ORC2: variants seen among roughly 807,000 people sequenced by gnomAD.
ORC2 encodes the protein origin recognition complex subunit 2.
A neutral mutation model predicts 77.7 loss-of-function variants in ORC2; 37 were observed. The ratio of observed to expected loss-of-function variants is 0.48; its 90% CI spans 0.37 to 0.63. The LOEUF (loss-of-function observed/expected upper bound fraction) is 0.63. Ranked by LOEUF, ORC2 falls within the 20% of genes least tolerant of loss-of-function variation. ORC2 has a pLI of 0.00. For missense variants in ORC2, 557 were observed against 661.9 expected (o/e 0.84, Z 1.74); for synonymous variants, 201 against 229.5 (o/e 0.88, Z 1.12).
intron 5 of ORC2, among the ~76,000 whole-genome samples, chr2:200,946,098 T>TA (rs2041244995): frequency 6.6e-6 from 1 of 152,202 alleles, no homozygotes; most frequent in African/African-American, 2.4e-5. Context: ...ATCTAACTTA[T>TA]AGTCTATTTC....
intron 5 of ORC2, 62 bp downstream of exon 5, chr2:200,949,492 T>C: frequency 1.2e-6 from 1 of 852,178 alleles, no homozygotes; most frequent in Non-Finnish European, 2.0e-6. Context: ...TCATGGGGAA[T>C]GTGGTTAAAT....
chr2:200,941,900 T>C (rs2041158314), intron 6 of ORC2, among the ~76,000 whole-genome samples: 1 of 151,790 alleles, frequency 6.6e-6, no homozygotes, highest in Admixed American at 6.6e-5. Context: ...GGCAGGAGAA[T>C]TGCTTGAACC....
chr2:200,918,449 C>T (rs1363612667), intron 15 of ORC2, among the ~76,000 whole-genome samples: 1 of 152,010 alleles, frequency 6.6e-6, no homozygotes, highest in Non-Finnish European at 1.5e-5. Context: ...GAAATTGTCT[C>T]TGCTAGACTT....
At chr2:200,912,583 A>G (rs1356839442) in intron 17 of ORC2, among the ~76,000 whole-genome samples, 4 of 150,192 alleles carry the variant, frequency 2.7e-5, no homozygotes, top group Non-Finnish European at 5.9e-5. Context: ...CACCACAACC[A>G]GCTCTTTTTT....
rs1265057988 is a variant in ORC2 at position 200,909,243 on chromosome 2, G to C, written c.*2058C>G. 1.3e-5 allele frequency: 2 copies of C among 152,128 alleles called. No homozygotes were observed. The highest frequency in any genetic ancestry group is 2.9e-5 in the Non-Finnish European group (2 of 68,028). 9.4% of individuals were successfully genotyped at this position (152,128 alleles called of 1,614,324 possible). A position where few individuals can be genotyped will look rare whatever the true frequency, so the allele number is the denominator to read the frequency against. ...TTTTACATATGCATAGACGATATCT[G>C]GAAGAATACTTAAGAAAATGCTATC... On this transcript the variant is annotated 3_prime_UTR_variant, in exon 18 of 18. Transcript: ENST00000234296.
At chr2:200,929,023 C>T (rs917240735) in intron 11 of ORC2, among the ~76,000 whole-genome samples, 7 of 151,930 alleles carry the variant, frequency 4.6e-5, no homozygotes, top group Non-Finnish European at 1.0e-4. Flanking sequence ...TGCAGTGGTG[C>T]GATTTTGGCT....
chr2:200,938,843 C>G (rs2041096909), intron 7 of ORC2, among the ~76,000 whole-genome samples: 1 of 151,976 alleles, frequency 6.6e-6, no homozygotes, highest in African/African-American at 2.4e-5. Flanking sequence ...AGTTTGAGAC[C>G]AGCCTGACCA....
intron 3 of ORC2, 65 bp downstream of exon 3, chr2:200,957,965 T>C (rs2125038141): frequency 2.9e-6 from 3 of 1,045,632 alleles, no homozygotes; most frequent in Non-Finnish European, 4.4e-6. Flanking sequence ...TTAAAAGTTT[T>C]AAAAGTGAAA....
chr2:200,913,654 A>T (rs1256749513), intron 16 of ORC2: 21 of 1,322,402 alleles, frequency 1.6e-5, no homozygotes, highest in Non-Finnish European at 1.9e-5. Flanking sequence ...TGCCTAGAAT[A>T]TGAAAAATAT....
intron 2 of ORC2, among the ~76,000 whole-genome samples, chr2:200,959,060 T>C (rs2041523059): frequency 6.6e-6 from 1 of 152,218 alleles, no homozygotes; most frequent in Non-Finnish European, 1.5e-5. Flanking sequence ...ACTGTGTTGC[T>C]GCAGCCTCAA....
Position 200,957,860 on chromosome 2 carries a change from T to A in ORC2, c.94+170A>T, listed in dbSNP as rs2041499574. ...TTAGGCTTTACTGAACATTTTCAATTAAAGTTTGAAAGAATTAAACTAAAA... is the reference window on the plus strand; with the variant it reads ...TTAGGCTTTACTGAACATTTTCAATAAAAGTTTGAAAGAATTAAACTAAAA... On this transcript the variant is annotated intron_variant, in intron 3 of 17. Transcript: ENST00000234296. 2.6e-5 allele frequency among the ~76,000 whole-genome samples: 4 copies of A among 152,302 alleles called. No individual in the cohort carries two copies. The South Asian group carries it at 8.3e-4, about 32-fold the overall frequency.
At chr2:200,953,112 C>CA (rs768496100) in intron 4 of ORC2, among the ~76,000 whole-genome samples, 1,763 of 47,784 alleles carry the variant, frequency 0.037, 16 homozygotes, top group Middle Eastern at 0.048. Flanking sequence ...GACCCTGTCT[C>CA]AAAAAAAAAA....
intron 11 of ORC2, among the ~76,000 whole-genome samples, chr2:200,927,419 G>C (rs186058527): frequency 1.3e-5 from 2 of 151,606 alleles, no homozygotes; most frequent in East Asian, 4.0e-4. Context: ...ATTAGGTCAG[G>C]TGCGGTGGCT....
chr2:200,954,571 G>A lies in ORC2; in HGVS notation c.238+2830C>T, dbSNP rs11886709. Among the ~76,000 whole-genome samples the A allele has an allele frequency of 2.4e-3, 367 of 152,208 alleles. 1 individual carries two copies. Among genetic ancestry groups the A allele is most frequent in the African/African-American group, 8.1e-3 (338 of 41,528 alleles). On this transcript the variant is annotated intron_variant, in intron 4 of 17. Transcript: ENST00000234296. Reference sequence around the variant, plus strand: ...AGAAGATACACACTGAAATGTTAACGGTTCCACGTTCTCTAAAGCAGGCAT... The same window carrying A: ...AGAAGATACACACTGAAATGTTAACAGTTCCACGTTCTCTAAAGCAGGCAT...
At position 200,934,878 on chromosome 2, in the gene ORC2, A is replaced by C. The variant is rs193173538; in HGVS notation, c.708+821T>G. Among the ~76,000 whole-genome samples, 94 of 152,284 alleles carry C rather than the reference A, an allele frequency of 6.2e-4. 1 individual carries two copies. Among genetic ancestry groups the C allele is most frequent in the South Asian group, 1.7e-3 (8 of 4,830 alleles). ...AGCAGTAGGCTCCTCAATTGCTCTG[A>C]ACCTTTAGACAGAGCACCAGGATAA... is the stretch of plus-strand genomic sequence containing the variant. On this transcript the variant is annotated intron_variant, in intron 9 of 17. Transcript: ENST00000234296.
At chr2:200,939,917 G>GA (rs1278519517) in intron 7 of ORC2, among the ~76,000 whole-genome samples, 1 of 152,076 alleles carries the variant, frequency 6.6e-6, no homozygotes, top group Admixed American at 6.5e-5. Context: ...CAAGACATAA[G>GA]AAAAAAGCAT....
intron 17 of ORC2, among the ~76,000 whole-genome samples, chr2:200,911,984 T>C (rs2040558534): frequency 6.6e-6 from 1 of 152,218 alleles, no homozygotes; most frequent in African/African-American, 2.4e-5. Flanking sequence ...CTTAATCTTT[T>C]TGGCCTCTCA....
rs1481521905 is a variant in ORC2 at position 200,949,491 on chromosome 2, A to G, written c.328+63T>C. ...TGTAGTGGTATAATAATCATGGGGA[A>G]TGTGGTTAAATCTACCTTAGGAAAG... On this transcript the variant is annotated intron_variant, in intron 5 of 17. Transcript: ENST00000234296. The G allele has an allele frequency of 4.8e-6, 4 of 840,378 alleles. No individual in the cohort carries two copies. In the African/African-American group the frequency reaches 5.1e-5, roughly 11 times the overall value. 52.1% of individuals were successfully genotyped at this position (840,378 alleles called of 1,614,324 possible). A position where few individuals can be genotyped will look rare whatever the true frequency, so the allele number is the denominator to read the frequency against.
intron 17 of ORC2, among the ~76,000 whole-genome samples, chr2:200,911,828 T>C (rs2040555774): frequency 6.6e-6 from 1 of 152,180 alleles, no homozygotes; most frequent in Non-Finnish European, 1.5e-5. Flanking sequence ...TCTCTGCACT[T>C]CTCCAAGCAA....
Sources: gnomAD v4.1 joint callset for allele counts (sites outside exome capture counted in the v4.1 genomes callset) on GRCh38, gnomAD v4.1.1 for gene constraint, MANE v1.5 for transcripts, NCBI Gene and HGNC (gene_info 2026-07-23, HGNC 2026-07-21) for gene names.